The following RASAL2 variants were observed in gnomAD, a reference collection of about 807,000 sequenced individuals.
RASAL2 encodes ras GTPase-activating protein nGAP.
Under a neutral mutation model 128.9 loss-of-function variants are expected in RASAL2, and 58 were observed. The observed-to-expected ratio is 0.45, with a 90% CI of 0.36 to 0.56. RASAL2 has a LOEUF of 0.56. Ranked by LOEUF, RASAL2 falls within the 20% of genes least tolerant of loss-of-function variation. The pLI, the probability that RASAL2 is intolerant of heterozygous loss-of-function variation, is 0.00. For missense variants in RASAL2, 1,360 were observed against 1,601.6 expected (o/e 0.85, Z 2.57); for synonymous variants, 561 against 580.8 (o/e 0.97, Z 0.49).
At chr1:178,264,982 A>C (rs1299875855) in intron 1 of RASAL2, among the ~76,000 whole-genome samples, 1 of 152,172 alleles carries the variant, frequency 6.6e-6, no homozygotes, top group Non-Finnish European at 1.5e-5. Context: ...ACTTACTATG[A>C]ATAACAAAAG....
At chr1:178,241,903 C>T (rs1664514668) in intron 1 of RASAL2, among the ~76,000 whole-genome samples, 1 of 152,208 alleles carries the variant, frequency 6.6e-6, no homozygotes, top group Non-Finnish European at 1.5e-5. Flanking sequence ...GCTCTGTCTT[C>T]TCTTGCTATG....
chr1:178,341,471 C>G, intron 3 of RASAL2: 1 of 1,528,916 alleles, frequency 6.5e-7, no homozygotes, highest in Non-Finnish European at 8.8e-7. Flanking sequence ...GTCTGAGGCA[C>G]GAAATGAGAG....
intron 3 of RASAL2, among the ~76,000 whole-genome samples, chr1:178,320,961 T>G (rs940941013): frequency 6.6e-6 from 1 of 152,238 alleles, no homozygotes; most frequent in Admixed American, 6.5e-5. Context: ...AACAAGCACA[T>G]TCTAAGTTTT....
intron 1 of RASAL2, among the ~76,000 whole-genome samples, chr1:178,219,509 T>G (rs534310254): frequency 1.5e-4 from 23 of 151,756 alleles, no homozygotes; most frequent in African/African-American, 4.1e-4. Flanking sequence ...GGCTTGGTGG[T>G]GCACGCACAT....
chr1:178,453,135 G>A (rs1323400232), intron 11 of RASAL2, among the ~76,000 whole-genome samples: 1 of 151,852 alleles, frequency 6.6e-6, no homozygotes, highest in African/African-American at 2.4e-5. Flanking sequence ...AGATGGAGGG[G>A]GGCTGTTCTA....
intron 1 of RASAL2, among the ~76,000 whole-genome samples, chr1:178,111,674 C>T (rs910917888): frequency 1.5e-4 from 23 of 152,194 alleles, no homozygotes; most frequent in Non-Finnish European, 2.6e-4. Flanking sequence ...AGCAGCTTTT[C>T]ATATGCTTAT....
intron 1 of RASAL2, among the ~76,000 whole-genome samples, chr1:178,147,407 T>G (rs1382156214): frequency 6.6e-6 from 1 of 151,000 alleles, no homozygotes; most frequent in Non-Finnish European, 1.5e-5. Flanking sequence ...GGAGAATCGC[T>G]TGAGCCCCGG....
At chr1:178,423,562 A>G (rs1301113837) in intron 5 of RASAL2, among the ~76,000 whole-genome samples, 1 of 152,150 alleles carries the variant, frequency 6.6e-6, no homozygotes, top group Non-Finnish European at 1.5e-5. Context: ...TCCTATTTTG[A>G]AGATGAGAAA....
intron 1 of RASAL2, among the ~76,000 whole-genome samples, chr1:178,138,219 T>A (rs1410724290): frequency 1.3e-5 from 2 of 152,220 alleles, no homozygotes; most frequent in African/African-American, 4.8e-5. Context: ...GTTTGGAGTC[T>A]GAAGATCTTT....
chr1:178,443,524 C>G (rs770623941), intron 8 of RASAL2, among the ~76,000 whole-genome samples: 7 of 152,172 alleles, frequency 4.6e-5, no homozygotes, highest in Non-Finnish European at 8.8e-5. Flanking sequence ...AACCCTACAG[C>G]ATGTTCAAGG....
intron 1 of RASAL2, among the ~76,000 whole-genome samples, chr1:178,259,690 T>A (rs1665566234): frequency 6.6e-6 from 1 of 152,190 alleles, no homozygotes; most frequent in Admixed American, 6.5e-5. Flanking sequence ...GCCTCCCCAG[T>A]AGCTGGGACT....
chr1:178,233,497 C>G (rs748586660), intron 1 of RASAL2, among the ~76,000 whole-genome samples: 2 of 151,988 alleles, frequency 1.3e-5, no homozygotes, highest in African/African-American at 2.4e-5. Context: ...CAGAGACATC[C>G]GAGTTTTAGG....
chr1:178,423,426 A>G (rs1029081336), intron 5 of RASAL2, among the ~76,000 whole-genome samples: 1 of 152,116 alleles, frequency 6.6e-6, no homozygotes, highest in Non-Finnish European at 1.5e-5. Flanking sequence ...CATTTTATCA[A>G]TATGTTGAAA....
intron 3 of RASAL2, among the ~76,000 whole-genome samples, chr1:178,301,892 C>T (rs1438151523): frequency 6.6e-6 from 1 of 152,048 alleles, no homozygotes; most frequent in Non-Finnish European, 1.5e-5. Flanking sequence ...CTACAGTGTT[C>T]GAGGTACTGG....
At chr1:178,280,337 A>G (rs928507214) in intron 1 of RASAL2, among the ~76,000 whole-genome samples, 5 of 152,104 alleles carry the variant, frequency 3.3e-5, no homozygotes, top group Non-Finnish European at 5.9e-5. Flanking sequence ...GCAAAAATAT[A>G]AAAGAGTCGC....
At chr1:178,236,292 GTATATAC>G (rs1664234498) in intron 1 of RASAL2, among the ~76,000 whole-genome samples, 1 of 152,128 alleles carries the variant, frequency 6.6e-6, no homozygotes. Context: ...CTCTTCATAA[GTATATAC>G]TATGATGGTC....
At chr1:178,332,349 C>T in intron 3 of RASAL2, among the ~76,000 whole-genome samples, 1 of 151,582 alleles carries the variant, frequency 6.6e-6, no homozygotes, top group East Asian at 2.0e-4. Flanking sequence ...TAAAATCACA[C>T]AAAAAAATTA....
chr1:178,355,013 A>G (rs997215942), intron 3 of RASAL2, among the ~76,000 whole-genome samples: 3 of 152,196 alleles, frequency 2.0e-5, no homozygotes, highest in African/African-American at 7.2e-5. Context: ...GGTCCCAGCT[A>G]CTTGGGAGAC....
intron 5 of RASAL2, among the ~76,000 whole-genome samples, chr1:178,423,881 G>A (rs902851195): frequency 4.6e-5 from 7 of 151,894 alleles, no homozygotes; most frequent in African/African-American, 1.5e-4. Context: ...TTATTACTAC[G>A]GATAGTAAGC....
Sources: allele counts gnomAD v4.1 joint callset (sites outside exome capture counted in the v4.1 genomes callset), GRCh38; gene constraint gnomAD v4.1.1; transcripts MANE v1.5; gene names NCBI Gene and HGNC (gene_info 2026-07-23, HGNC 2026-07-21).